The following IGSF9B variants were observed in gnomAD, a reference collection of about 807,000 sequenced individuals.
The protein encoded by IGSF9B is protein turtle homolog B.
In IGSF9B, 48 loss-of-function variants were observed where a neutral mutation model predicts 143.7. The ratio of observed to expected loss-of-function variants is 0.33; its 90% CI spans 0.26 to 0.42. IGSF9B has a LOEUF of 0.42. Ranked by LOEUF, IGSF9B falls within the 20% of genes least tolerant of loss-of-function variation. The pLI, the probability that IGSF9B is intolerant of heterozygous loss-of-function variation, is 1.00. For missense variants in IGSF9B, 1,706 were observed against 1,980.0 expected, an observed-to-expected ratio of 0.86 and a Z score of 2.63; for synonymous variants, 903 against 833.1, an observed-to-expected ratio of 1.08 and a Z score of -1.44.
At chr11:133,917,771 G>A (rs1939416010) in intron 18 of IGSF9B, among the ~76,000 whole-genome samples, 2 of 152,146 alleles carry the variant, frequency 1.3e-5, no homozygotes, top group Admixed American at 6.5e-5. Flanking sequence ...AGAAGCTGGT[G>A]AGGGGCCAGC....
intron 1 of IGSF9B, among the ~76,000 whole-genome samples, chr11:133,955,732 G>A (rs1940238698): frequency 6.6e-6 from 1 of 152,344 alleles, no homozygotes; most frequent in Non-Finnish European, 1.5e-5. Flanking sequence ...GAGGCTTGTA[G>A]GTCGCTCTGC....
In IGSF9B at chr11:133,896,646, G is replaced by C. The variant is rs1158033819; in HGVS notation, c.*12423C>G. The C allele has an allele frequency of 1.3e-5, 2 of 152,106 alleles. No homozygotes were observed. The highest frequency in any genetic ancestry group is 4.8e-5 in the African/African-American group (2 of 41,388). 9.4% of individuals were successfully genotyped at this position (152,106 alleles called of 1,614,324 possible). A position where few individuals can be genotyped will look rare whatever the true frequency, so the allele number is the denominator to read the frequency against. On this transcript the variant is annotated 3_prime_UTR_variant, in exon 20 of 20. Coordinates refer to ENST00000533871, the MANE Select transcript of IGSF9B (RefSeq NM_001277285.4). ...TGCACGTGTTTGCTCATTTTGATTT[G>C]TAATTCAGGATATGAACATGCAGTG...
intron 1 of IGSF9B, among the ~76,000 whole-genome samples, chr11:133,955,035 T>C (rs1940224703): frequency 6.6e-6 from 1 of 152,258 alleles, no homozygotes; most frequent in African/African-American, 2.4e-5. Context: ...TCGGAGGCTA[T>C]TTCAGAGCCT....
intron 18 of IGSF9B, among the ~76,000 whole-genome samples, chr11:133,919,422 G>A (rs986101832): frequency 5.3e-5 from 8 of 152,206 alleles, no homozygotes; most frequent in South Asian, 2.1e-4. Flanking sequence ...AACTCCAAGA[G>A]GGACGGGGTC....
rs775550407 is a variant in IGSF9B, at chr11:133,937,801, C to T, written c.561+9G>A. 11 of 1,608,602 alleles carry T rather than the reference C, an allele frequency of 6.8e-6. No homozygotes were observed. In the East Asian group the frequency reaches 1.3e-4, roughly 20 times the overall value. ...GACCGCAGCGGCCCCAACCTAGAAC[C>T]ACACTCACCTGGTATTTCCCACTAG... On this transcript the variant is annotated intron_variant, in intron 4 of 19. Transcript: ENST00000533871.
chr11:133,930,020 T>A (rs1939694881), intron 11 of IGSF9B, among the ~76,000 whole-genome samples: 1 of 152,034 alleles, frequency 6.6e-6, no homozygotes, highest in African/African-American at 2.4e-5. Flanking sequence ...AACTAGGAGA[T>A]CACATAGCAT....
In IGSF9B at chr11:133,907,727, C is replaced by T. The variant is rs1012803423; in HGVS notation, c.*1342G>A. On this transcript the variant is annotated 3_prime_UTR_variant, in exon 20 of 20. Transcript: ENST00000533871. ...TGCCCAGACCCTACTCACCACCCCT[C>T]CCGCCTTCATTCCTACGCCTCAGCC... 7.2e-5 allele frequency among the ~76,000 whole-genome samples: 11 copies of T among 152,220 alleles called. No homozygotes were observed. Among genetic ancestry groups the T allele is most frequent in the African/African-American group, 2.7e-4 (11 of 41,462 alleles).
intron 1 of IGSF9B, among the ~76,000 whole-genome samples, chr11:133,947,708 T>TTCTCTCTCTCTC (rs112387633): frequency 0.093 from 12,529 of 134,686 alleles, 793 homozygotes; most frequent in Middle Eastern, 0.18. Context: ...TCTGTGTTTG[T>TTCTCTCTCTCTC]TCTCTCTCTC....
At chr11:133,922,459 C>G in intron 16 of IGSF9B, 110 bp downstream of exon 16, 1 of 1,144,038 alleles carries the variant, frequency 8.7e-7, no homozygotes, top group East Asian at 2.5e-5. Context: ...CCCACAAGAT[C>G]TCAATGTCCC....
intron 18 of IGSF9B, among the ~76,000 whole-genome samples, chr11:133,914,760 G>A (rs1326156040): frequency 6.6e-6 from 1 of 152,168 alleles, no homozygotes; most frequent in Non-Finnish European, 1.5e-5. Context: ...AGCAGGGCAG[G>A]CAAAATGAGT....
chr11:133,951,243 C>T (rs563292110), intron 1 of IGSF9B, among the ~76,000 whole-genome samples: 321 of 152,274 alleles, frequency 2.1e-3, no homozygotes, highest in Admixed American at 3.7e-3. Flanking sequence ...CAGACGGGTA[C>T]GGGTTGTTCT....
Position 133,901,348 on chromosome 11 carries a change from A to G in IGSF9B, c.*7721T>C, listed in dbSNP as rs1939115416. On this transcript the variant is annotated 3_prime_UTR_variant, in exon 20 of 20. Coordinates refer to ENST00000533871, the MANE Select transcript of IGSF9B (RefSeq NM_001277285.4). ...CTGCCTGGGAAGGTAGCACTGCTCAAAACATCTCTAAGCACAGGTACAAAA... is the reference window on the plus strand; with the variant it reads ...CTGCCTGGGAAGGTAGCACTGCTCAGAACATCTCTAAGCACAGGTACAAAA... 6.6e-6 allele frequency: 1 copy of G among 151,084 alleles called. No individual in the cohort carries two copies. The highest frequency in any genetic ancestry group is 1.5e-5 in the Non-Finnish European group (1 of 67,490). The allele number at this position is 151,084 out of a possible 1,614,324, so 9.4% of individuals were successfully genotyped here.
Position 133,908,859 on chromosome 11 carries a change from C to CA in IGSF9B, c.*209_*210insT, listed in dbSNP as rs1939253798. On this transcript the variant is annotated 3_prime_UTR_variant, in exon 20 of 20. Coordinates refer to ENST00000533871, the MANE Select transcript of IGSF9B (RefSeq NM_001277285.4). ...CAGTCTCCAATCCACTTCCTGACCT[C>CA]GACCCACAGGTGGAAGGTGTGCCCA... 3 of 556,396 alleles carry CA rather than the reference C, an allele frequency of 5.4e-6. No individual in the cohort carries two copies. Among genetic ancestry groups the CA allele is most frequent in the Admixed American group, 3.1e-5 (1 of 31,776 alleles). The allele number at this position is 556,396 out of a possible 1,614,324, so 34.5% of individuals were successfully genotyped here. A position where few individuals can be genotyped will look rare whatever the true frequency, so the allele number is the denominator to read the frequency against.
In IGSF9B at chr11:133,921,067, G is replaced by A; in HGVS notation, c.2658C>T (p.Tyr886=). The A allele has an allele frequency of 1.9e-6, 3 of 1,613,926 alleles. No individual in the cohort carries two copies. The highest frequency in any genetic ancestry group is 2.5e-6 in the Non-Finnish European group (3 of 1,179,874). ...CCTCGTCCGACTGGCGGAACTCGGGGTACATGTCCGTCTCCTCGGCGAAGG... is the reference window on the plus strand; with the variant it reads ...CCTCGTCCGACTGGCGGAACTCGGGATACATGTCCGTCTCCTCGGCGAAGG... ...GFPFAEETDM[Y]PEFRQSDEEN... The change falls in exon 18 of 20, where the codon TAC becomes TAT. Residue 886 remains tyrosine, a synonymous_variant. Transcript: ENST00000533871.
chr11:133,955,427 A>G (rs1940233793), intron 1 of IGSF9B, among the ~76,000 whole-genome samples: 1 of 152,236 alleles, frequency 6.6e-6, no homozygotes, highest in Non-Finnish European at 1.5e-5. Context: ...TCCATTCCGG[A>G]AAGTTTCCTG....
At chr11:133,914,827 C>A (rs984468622) in intron 18 of IGSF9B, among the ~76,000 whole-genome samples, 1 of 152,196 alleles carries the variant, frequency 6.6e-6, no homozygotes, top group Non-Finnish European at 1.5e-5. Context: ...ACAGACTTTA[C>A]CAACAGCACG....
chr11:133,919,132 G>GGGGGGC, intron 18 of IGSF9B: 2 of 377,748 alleles, frequency 5.3e-6, no homozygotes, highest in Non-Finnish European at 1.1e-5. Context: ...GGGGGGGTGG[G>GGGGGGC]GGACGTGTCC....
chr11:133,922,936 C>T (rs1939568695), intron 15 of IGSF9B, among the ~76,000 whole-genome samples: 1 of 152,200 alleles, frequency 6.6e-6, no homozygotes, highest in South Asian at 2.1e-4. Context: ...GTCAATCTCT[C>T]CAAAGGGTGT....
In IGSF9B at chr11:133,928,481, G is replaced by A. The variant is rs747626346; in HGVS notation, c.1631+1190C>T. 3.3e-5 allele frequency among the ~76,000 whole-genome samples: 5 copies of A among 152,222 alleles called. No individual in the cohort carries two copies. The highest frequency in any genetic ancestry group is 7.4e-5 in the Non-Finnish European group (5 of 68,010). On this transcript the variant is annotated intron_variant, in intron 12 of 19. Coordinates refer to ENST00000533871, the MANE Select transcript of IGSF9B (RefSeq NM_001277285.4). The surrounding 1 kb of genome is among the most constrained non-coding windows in gnomAD (Gnocchi z 4.7). ...CTCGCTGCTGAGAAGTGGATAAAGGGGTCTCCCTGAACCCCCTGAGCTGCC... is the reference window on the plus strand; with the variant it reads ...CTCGCTGCTGAGAAGTGGATAAAGGAGTCTCCCTGAACCCCCTGAGCTGCC...
Sources: allele counts gnomAD v4.1 joint callset (sites outside exome capture counted in the v4.1 genomes callset), GRCh38; gene constraint gnomAD v4.1.1; non-coding constraint Gnocchi (gnomAD v3.1); transcripts MANE v1.5; gene names NCBI Gene and HGNC (gene_info 2026-07-23, HGNC 2026-07-21).